The following SV2C variants were observed in gnomAD, a reference collection of about 807,000 sequenced individuals.
SV2C encodes solute carrier family 22 member B3.
Under a neutral mutation model 79.7 loss-of-function variants are expected in SV2C, and 49 were observed. The observed-to-expected ratio is 0.61, with a 90% CI of 0.49 to 0.78. The LOEUF (loss-of-function observed/expected upper bound fraction) is 0.78, where lower values mean the gene tolerates loss of function less well. SV2C is among the 30% of genes least tolerant of loss of function. The pLI is 0.00. For synonymous variants in SV2C, 334 were observed against 333.2 expected (o/e 1.00, Z -0.03); for missense variants, 833 against 912.9 (o/e 0.91, Z 1.13).
At chr5:76,094,725 C>G (rs1332106403) in intron 1 of SV2C, among the ~76,000 whole-genome samples, 2 of 152,076 alleles carry the variant, frequency 1.3e-5, no homozygotes, top group Admixed American at 1.3e-4. Flanking sequence ...GCATACCACA[C>G]CTTCTGTATA....
intron 4 of SV2C, among the ~76,000 whole-genome samples, chr5:76,215,404 A>G (rs1744884250): frequency 6.6e-6 from 1 of 152,202 alleles, no homozygotes; most frequent in African/African-American, 2.4e-5. Context: ...CATCCACGCA[A>G]AAACACTTTC....
At chr5:75,896,080 T>A in the SV2C span, among the ~76,000 whole-genome samples, 5 of 152,102 alleles carry the variant, frequency 3.3e-5, no homozygotes, top group Admixed American at 3.3e-4. Flanking sequence ...ATTATTATTA[T>A]ACTTTAAGTT....
chr5:75,859,706 A>G, the SV2C span, among the ~76,000 whole-genome samples: 1 of 152,126 alleles, frequency 6.6e-6, no homozygotes, highest in Non-Finnish European at 1.5e-5. Flanking sequence ...ACTCCCTTGA[A>G]GCAGTGGAGT....
chr5:76,300,020 G>A (rs912078763), intron 10 of SV2C, among the ~76,000 whole-genome samples: 1 of 151,968 alleles, frequency 6.6e-6, no homozygotes, highest in African/African-American at 2.4e-5. Context: ...TTCCTTCTCT[G>A]TGCCCTCTAG....
chr5:76,271,616 C>CT lies in SV2C; in HGVS notation c.914-13522dup, dbSNP rs34458409. Among the ~76,000 whole-genome samples the CT allele has an allele frequency of 8.9e-3, 858 of 96,112 alleles. 19 individuals carry two copies. Among genetic ancestry groups the CT allele is most frequent in the South Asian group, 0.021 (57 of 2,742 alleles). 63.1% of individuals were successfully genotyped at this position (96,112 alleles called of 152,430 possible). ...TCAAAAAAACTACTAAGCATGTGTTCTTTTTTTTTTTTTTTTTTTTTTTTG... is the reference window on the plus strand; with the variant it reads ...TCAAAAAAACTACTAAGCATGTGTTCTTTTTTTTTTTTTTTTTTTTTTTTTG... On this transcript the variant is annotated intron_variant, in intron 4 of 12. Coordinates refer to ENST00000502798, the MANE Select transcript of SV2C (RefSeq NM_014979.4).
intron 2 of SV2C, among the ~76,000 whole-genome samples, chr5:76,191,756 T>G (rs939275896): frequency 6.6e-6 from 1 of 152,240 alleles, no homozygotes; most frequent in Non-Finnish European, 1.5e-5. Context: ...ACTAAGAGCC[T>G]GGACTGGCCA....
chr5:75,900,828 A>C, the SV2C span, among the ~76,000 whole-genome samples: 1 of 151,856 alleles, frequency 6.6e-6, no homozygotes, highest in African/African-American at 2.4e-5. Flanking sequence ...ACTTCATTTC[A>C]TTCATTTCAT....
chr5:76,251,385 A>AAAT (rs531925833), intron 4 of SV2C, among the ~76,000 whole-genome samples: 16 of 151,824 alleles, frequency 1.1e-4, no homozygotes, highest in Non-Finnish European at 1.9e-4. Context: ...TCTACAGAAA[A>AAAT]AATAATAATA....
chr5:76,097,849 A>C (rs1332501743), intron 1 of SV2C, among the ~76,000 whole-genome samples: 1 of 152,126 alleles, frequency 6.6e-6, no homozygotes, highest in African/African-American at 2.4e-5. Flanking sequence ...GAAGGCAGTC[A>C]CATTATTCTC....
Position 76,203,867 on chromosome 5 carries a change from C to T in SV2C, c.762-5869C>T, listed in dbSNP as rs759202011. Reference sequence around the variant, plus strand: ...GAAGACTAAAGCTACCCAAATCATCCATCCTTTGGCATTGCCACTGGGCAA... The same window carrying T: ...GAAGACTAAAGCTACCCAAATCATCTATCCTTTGGCATTGCCACTGGGCAA... On this transcript the variant is annotated intron_variant, in intron 3 of 12. Transcript: ENST00000502798. Among the ~76,000 whole-genome samples the T allele has an allele frequency of 2.4e-4, 37 of 152,190 alleles. 1 individual carries two copies. The highest frequency in any genetic ancestry group is 7.3e-5 in the Non-Finnish European group (5 of 68,038).
In SV2C at chr5:76,132,463, T is replaced by A; in HGVS notation, c.580+133T>A. ...TAACAAATTTTTTATTACAAAAAAC[T>A]TTAAGCATACAAAAGAATCAAAATA... On this transcript the variant is annotated intron_variant, in intron 2 of 12. Transcript: ENST00000502798. The A allele has an allele frequency of 2.3e-6, 2 of 883,004 alleles. 1 individual carries two copies. Among genetic ancestry groups the A allele is most frequent in the South Asian group, 4.6e-5 (2 of 43,880 alleles). The allele number at this position is 883,004 out of a possible 1,614,324, so 54.7% of individuals were successfully genotyped here. A position where few individuals can be genotyped will look rare whatever the true frequency, so the allele number is the denominator to read the frequency against.
chr5:76,220,070 G>A (rs185473643), intron 4 of SV2C, among the ~76,000 whole-genome samples: 3 of 152,268 alleles, frequency 2.0e-5, no homozygotes, highest in East Asian at 1.9e-4. Context: ...CTGTCAACCC[G>A]GGGTTTGTGA....
At chr5:75,945,835 G>A in the SV2C span, among the ~76,000 whole-genome samples, 1 of 151,976 alleles carries the variant, frequency 6.6e-6, no homozygotes, top group Non-Finnish European at 1.5e-5. Flanking sequence ...TAATTAATGG[G>A]TCAAAAGAAT....
intron 2 of SV2C, among the ~76,000 whole-genome samples, chr5:76,146,250 A>G (rs10052127): frequency 0.88 from 134,440 of 152,164 alleles, 59,528 homozygotes; most frequent in South Asian, 0.92. Flanking sequence ...CTTGGATGTC[A>G]CGCAAGAAAG....
chr5:76,138,781 A>C (rs777752352), intron 2 of SV2C, among the ~76,000 whole-genome samples: 1 of 152,204 alleles, frequency 6.6e-6, no homozygotes. Context: ...GATCTTTAAC[A>C]CTTTGAGAAC....
At chr5:75,930,395 A>G in the SV2C span, among the ~76,000 whole-genome samples, 1 of 152,240 alleles carries the variant, frequency 6.6e-6, no homozygotes, top group Non-Finnish European at 1.5e-5. Flanking sequence ...GTGAGCATCC[A>G]GCAGTGGTGC....
At chr5:76,273,635 G>T (rs975667668) in intron 4 of SV2C, among the ~76,000 whole-genome samples, 2 of 152,272 alleles carry the variant, frequency 1.3e-5, no homozygotes, top group Non-Finnish European at 2.9e-5. Context: ...GCTCCTCTGC[G>T]CATTCCAAAG....
chr5:76,181,615 G>A (rs988649164), intron 2 of SV2C, among the ~76,000 whole-genome samples: 2 of 152,028 alleles, frequency 1.3e-5, no homozygotes, highest in Non-Finnish European at 2.9e-5. Flanking sequence ...GGGAAGGGGG[G>A]ATGTGCTGCA....
chr5:76,033,265 G>C, the SV2C span, among the ~76,000 whole-genome samples: 1 of 151,622 alleles, frequency 6.6e-6, no homozygotes, highest in Admixed American at 6.6e-5. Context: ...GATCCCATTT[G>C]TCAATTTTGG....
Sources: gnomAD v4.1 joint callset for allele counts (sites outside exome capture counted in the v4.1 genomes callset) on GRCh38, gnomAD v4.1.1 for gene constraint, MANE v1.5 for transcripts, NCBI Gene and HGNC (gene_info 2026-07-23, HGNC 2026-07-21) for gene names.